Variants in VPS35L observed in about 807,000 individuals in gnomAD.
VPS35L encodes VPS35 endosomal protein-sorting factor-like.
VPS35L carries 83 observed loss-of-function variants against 133.0 expected under a neutral mutation model. The ratio of observed to expected loss-of-function variants is 0.62; its 90% CI spans 0.52 to 0.75. The LOEUF is 0.75. Ranked by LOEUF, VPS35L falls within the 30% of genes least tolerant of loss-of-function variation. VPS35L has a pLI of 0.00. For synonymous variants in VPS35L, 423 were observed against 449.9 expected (o/e 0.94, Z 0.76); for missense variants, 1,083 against 1,206.8 (o/e 0.90, Z 1.52).
intron 1 of VPS35L, 119 bp from the exon 2 acceptor site, chr16:19,564,732 A>G: frequency 1.4e-6 from 1 of 696,876 alleles, no homozygotes; most frequent in Non-Finnish European, 2.4e-6. Flanking sequence ...TTTCTTTTTA[A>G]CTTTGGTGGG....
At chr16:19,657,378 G>A (rs1296151831) in intron 26 of VPS35L, among the ~76,000 whole-genome samples, 2 of 152,054 alleles carry the variant, frequency 1.3e-5, no homozygotes, top group African/African-American at 4.8e-5. Flanking sequence ...ATCCTTCAGA[G>A]CTGGGTTCAT....
intron 14 of VPS35L, chr16:19,617,751 C>T (rs1231565141): frequency 6.6e-6 from 1 of 152,440 alleles, no homozygotes; most frequent in Non-Finnish European, 1.5e-5. Flanking sequence ...AATCCCAGCA[C>T]TTTGGGAGGC....
chr16:19,692,779 T>C (rs1326724701), intron 29 of VPS35L, among the ~76,000 whole-genome samples: 2 of 152,108 alleles, frequency 1.3e-5, no homozygotes, highest in Non-Finnish European at 2.9e-5. Context: ...GCCAGGCTGG[T>C]CTCGAATTCC....
At position 19,569,520 on chromosome 16, in the gene VPS35L, G is replaced by A. The variant is rs748706506; in HGVS notation, c.214G>A (p.Val72Ile). 24 of 1,609,804 alleles carry A rather than the reference G, an allele frequency of 1.5e-5. No homozygotes were observed. Among genetic ancestry groups the A allele is most frequent in the East Asian group, 8.9e-5 (4 of 44,844 alleles). ...CTCCGTGGTGGACCCGCTGAGCAGC[G>A]TCCTCGATGGGACTGACCCCCTCTC... is the stretch of plus-strand genomic sequence containing the variant. ...SSSVVDPLSS[V>I]LDGTDPLSMF... The change falls in exon 3 of 31, where the codon GTC (valine) becomes ATC (isoleucine). Residue 72 changes from valine (V) to isoleucine (I), a missense_variant. Coordinates refer to ENST00000417362, the MANE Select transcript of VPS35L (RefSeq NM_020314.7).
rs774423993 is a variant in VPS35L, at chr16:19,601,677, C to T, written c.738C>T (p.Tyr246=). ...DILDTFGKLV[Y]ERIFSMCVDS... is the part of the protein sequence containing the mutation. ...TTTTCCTCCCAGGAAAGCTCGTGTACGAGCGCATCTTTTCCATGTGTGTGG... is the reference window on the plus strand; with the variant it reads ...TTTTCCTCCCAGGAAAGCTCGTGTATGAGCGCATCTTTTCCATGTGTGTGG... Residue 246 remains tyrosine (Y), a synonymous_variant, in exon 9 of 31, where the codon TAC becomes TAT. Transcript: ENST00000417362. The T allele has an allele frequency of 7.4e-6, 12 of 1,614,058 alleles. No individual in the cohort carries two copies. Among genetic ancestry groups the T allele is most frequent in the South Asian group, 3.3e-5 (3 of 91,070 alleles).
intron 4 of VPS35L, 133 bp from the exon 5 acceptor site, chr16:19,574,965 G>A: frequency 4.2e-6 from 3 of 721,598 alleles, no homozygotes; most frequent in South Asian, 4.4e-5. Context: ...AATCTCCAGT[G>A]GTTTTTAGTG....
Position 19,626,171 on chromosome 16 carries a change from TA to T in VPS35L, c.1225-4del. On this transcript the variant is annotated splice_polypyrimidine_tract_variant and splice_region_variant and intron_variant, in intron 14 of 30. Coordinates refer to ENST00000417362, the MANE Select transcript of VPS35L (RefSeq NM_020314.7). Reference sequence around the variant, plus strand: ...TTTTTAATTATTATTATTTTTAACATAATAGGCTCTGCTGACCGAGATGATG... The same window carrying T: ...TTTTTAATTATTATTATTTTTAACATATAGGCTCTGCTGACCGAGATGATG... 1 of 1,573,300 alleles carries T rather than the reference TA, an allele frequency of 6.4e-7. No individual in the cohort carries two copies. The highest frequency in any genetic ancestry group is 8.7e-7 in the Non-Finnish European group (1 of 1,154,758).
At chr16:19,668,457 C>G (rs1051811302) in intron 26 of VPS35L, among the ~76,000 whole-genome samples, 5 of 152,158 alleles carry the variant, frequency 3.3e-5, no homozygotes, top group African/African-American at 1.2e-4. Flanking sequence ...CACACATTCT[C>G]TCTCCACTCC....
intron 26 of VPS35L, among the ~76,000 whole-genome samples, chr16:19,660,096 C>T (rs755854627): frequency 8.6e-5 from 13 of 151,994 alleles, no homozygotes; most frequent in South Asian, 4.2e-4. Context: ...GAGGCCGAGA[C>T]GGTGGATCAC....
At chr16:19,675,593 A>G (rs1975037886) in intron 27 of VPS35L, among the ~76,000 whole-genome samples, 1 of 152,108 alleles carries the variant, frequency 6.6e-6, no homozygotes. Flanking sequence ...CAGGTCACCC[A>G]GGCTGGAGTG....
At chr16:19,637,503 A>C (rs1169221796) in intron 19 of VPS35L, 91 bp from the exon 20 acceptor site, 3 of 948,470 alleles carry the variant, frequency 3.2e-6, no homozygotes, top group Admixed American at 2.9e-5. Context: ...TTTAAAAAAA[A>C]ATTTAGGTTT....
chr16:19,638,119 T>C (rs549092708), intron 20 of VPS35L, among the ~76,000 whole-genome samples: 14 of 152,242 alleles, frequency 9.2e-5, no homozygotes, highest in Admixed American at 6.5e-5. Flanking sequence ...CTGCGATGTC[T>C]GTTCGAGTTT....
At chr16:19,637,751 G>C in intron 20 of VPS35L, 95 bp downstream of exon 20, 1 of 831,084 alleles carries the variant, frequency 1.2e-6, no homozygotes, top group Non-Finnish European at 1.9e-6. Flanking sequence ...CAGGCCAAAA[G>C]AAATATTCAG....
At chr16:19,560,624 C>A (rs933423277) in intron 1 of VPS35L, among the ~76,000 whole-genome samples, 1 of 151,834 alleles carries the variant, frequency 6.6e-6, no homozygotes, top group Non-Finnish European at 1.5e-5. Flanking sequence ...GGTGAAAGCC[C>A]GTCTCTACTA....
At chr16:19,665,529 C>T (rs1183886905) in intron 26 of VPS35L, among the ~76,000 whole-genome samples, 1 of 152,214 alleles carries the variant, frequency 6.6e-6, no homozygotes, top group Non-Finnish European at 1.5e-5. Context: ...TTTATGGCTG[C>T]ATAGTACTCC....
intron 26 of VPS35L, among the ~76,000 whole-genome samples, chr16:19,666,892 CTTTCTTTCTTTCTTTCTTT>C (rs1974686745): frequency 5.0e-5 from 5 of 100,444 alleles, no homozygotes; most frequent in East Asian, 3.5e-4. Context: ...TTCTTTCTTT[CTTTCTTTCTTTCTTTCTTT>C]CTTTCTTTCT....
chr16:19,592,342 A>C (rs1972071788), intron 8 of VPS35L, among the ~76,000 whole-genome samples: 1 of 151,838 alleles, frequency 6.6e-6, no homozygotes, highest in Non-Finnish European at 1.5e-5. Flanking sequence ...AGCCTCCCAA[A>C]GTGCTGGAAT....
intron 4 of VPS35L, among the ~76,000 whole-genome samples, chr16:19,574,419 G>A (rs1273947131): frequency 6.6e-6 from 1 of 152,178 alleles, no homozygotes; most frequent in African/African-American, 2.4e-5. Flanking sequence ...GATGCAGGGA[G>A]GCTGAGAAAT....
chr16:19,558,023 T>G (rs1970915853), intron 1 of VPS35L, among the ~76,000 whole-genome samples: 1 of 151,920 alleles, frequency 6.6e-6, no homozygotes, highest in South Asian at 2.1e-4. Flanking sequence ...TGAGCCAAGA[T>G]CGTGCCATTG....
Sources: gnomAD v4.1 joint callset for allele counts (sites outside exome capture counted in the v4.1 genomes callset) on GRCh38, gnomAD v4.1.1 for gene constraint, MANE v1.5 for transcripts, NCBI Gene and HGNC (gene_info 2026-07-23, HGNC 2026-07-21) for gene names.